Variants in AP3D1 observed in about 807,000 individuals in gnomAD.
The protein encoded by AP3D1 is adaptor related protein complex 3 subunit delta 1.
AP3D1 carries 51 observed loss-of-function variants against 147.6 expected under a neutral mutation model. The observed-to-expected ratio is 0.35, with a 90% CI of 0.28 to 0.44. AP3D1 has a LOEUF of 0.44. AP3D1 is among the 20% of genes least tolerant of loss of function. The pLI, the probability that AP3D1 is intolerant of heterozygous loss-of-function variation, is 1.00. For missense variants in AP3D1, 1,421 were observed against 1,624.2 expected (o/e 0.87, Z 2.15); for synonymous variants, 760 against 663.0 (o/e 1.15, Z -2.25).
chr19:2,105,785 G>A (rs888564751), intron 31 of AP3D1, among the ~76,000 whole-genome samples: 4 of 152,146 alleles, frequency 2.6e-5, no homozygotes, highest in African/African-American at 7.2e-5. Context: ...AGCTCCAGCC[G>A]CCTCAGGCCC....
intron 4 of AP3D1, 83 bp from the exon 5 acceptor site, chr19:2,132,661 G>A (rs1350359457): frequency 1.3e-5 from 16 of 1,208,306 alleles, no homozygotes; most frequent in African/African-American, 3.0e-5. Flanking sequence ...CAGCAGGAGC[G>A]AAATTCTCCC....
chr19:2,117,525 G>A (rs976686129), intron 15 of AP3D1, among the ~76,000 whole-genome samples, 158 bp from the exon 16 acceptor site: 26 of 152,072 alleles, frequency 1.7e-4, no homozygotes, highest in Admixed American at 5.2e-4. Flanking sequence ...CGTCTCTGTC[G>A]TCATCATCCT....
At chr19:2,149,171 C>T (rs1380746728) in intron 1 of AP3D1, among the ~76,000 whole-genome samples, 1 of 152,190 alleles carries the variant, frequency 6.6e-6, no homozygotes, top group Non-Finnish European at 1.5e-5. Flanking sequence ...CACTGCGTGT[C>T]CTGCCTGAAA....
At chr19:2,116,860 G>A in intron 16 of AP3D1, 114 bp from the exon 17 acceptor site, 1 of 1,353,540 alleles carries the variant, frequency 7.4e-7, no homozygotes, top group South Asian at 1.6e-5. Context: ...CAAACAGTGG[G>A]GCCTGCCACC....
At chr19:2,104,399 C>T (rs72983430) in intron 31 of AP3D1, among the ~76,000 whole-genome samples, 1,825 of 146,858 alleles carry the variant, frequency 0.012, 19 homozygotes, top group Middle Eastern at 0.03. Context: ...AACTCCAAGA[C>T]GCCAACACCC....
At chr19:2,117,819 A>G (rs1568284136) in intron 15 of AP3D1, among the ~76,000 whole-genome samples, 1 of 152,196 alleles carries the variant, frequency 6.6e-6, no homozygotes, top group Admixed American at 6.5e-5. Flanking sequence ...TGCAGCCTTG[A>G]AGCTGGGTCT....
intron 17 of AP3D1, 29 bp downstream of exon 17, chr19:2,116,576 G>C: frequency 1.9e-6 from 3 of 1,552,194 alleles, no homozygotes; most frequent in Non-Finnish European, 2.6e-6. Context: ...GAGGAGACGA[G>C]GGCTCGCCAG....
At position 2,137,112 on chromosome 19, in the gene AP3D1, A is replaced by T. The variant is rs764653300; in HGVS notation, c.274-21T>A. 4 of 1,566,418 alleles carry T rather than the reference A, an allele frequency of 2.6e-6. No individual in the cohort carries two copies. The Admixed American group carries it at 5.6e-5, about 22-fold the overall frequency. ...ATTCGCTGGGAGAGAACAGATGAGC[A>T]CATCAGAGGCAGGACACCCGCAGCC... On this transcript the variant is annotated intron_variant, in intron 3 of 31. Coordinates refer to ENST00000643116, the MANE Select transcript of AP3D1 (RefSeq NM_001261826.3).
intron 9 of AP3D1, 31 bp from the exon 10 acceptor site, chr19:2,123,910 T>TCAGCACCATGGC: frequency 6.4e-7 from 1 of 1,561,788 alleles, no homozygotes; most frequent in Non-Finnish European, 8.7e-7. Context: ...AGCACCACGG[T>TCAGCACCATGGC]CAGCACCATG....
At chr19:2,112,826 C>A in intron 24 of AP3D1, 34 bp downstream of exon 24, 1 of 1,547,374 alleles carries the variant, frequency 6.5e-7, no homozygotes, top group Non-Finnish European at 8.8e-7. Context: ...GCTCATGCAG[C>A]CCTCCACAGC....
intron 12 of AP3D1, among the ~76,000 whole-genome samples, chr19:2,121,520 C>G (rs2018610918): frequency 6.6e-6 from 1 of 152,166 alleles, no homozygotes; most frequent in South Asian, 2.1e-4. Context: ...TGGCCCAGCA[C>G]AGTCTGTTCT....
intron 1 of AP3D1, among the ~76,000 whole-genome samples, chr19:2,150,596 C>T (rs374711351): frequency 1.3e-5 from 2 of 152,342 alleles, no homozygotes; most frequent in African/African-American, 2.4e-5. Flanking sequence ...GGCAGCAGCC[C>T]CACCTTCCTG....
chr19:2,129,215 T>C, intron 7 of AP3D1, 52 bp from the exon 8 acceptor site: 1 of 1,608,198 alleles, frequency 6.2e-7, no homozygotes, highest in East Asian at 2.2e-5. Context: ...CCACGCAGGG[T>C]GAGGGACAGG....
intron 1 of AP3D1, among the ~76,000 whole-genome samples, chr19:2,145,848 T>C (rs1272203360): frequency 6.6e-6 from 1 of 152,154 alleles, no homozygotes; most frequent in Admixed American, 6.5e-5. Flanking sequence ...CCAAGCCTCT[T>C]TGAAGAGAGA....
chr19:2,141,329 T>C (rs920230748), intron 1 of AP3D1, among the ~76,000 whole-genome samples: 3 of 151,990 alleles, frequency 2.0e-5, no homozygotes, highest in Admixed American at 6.6e-5. Context: ...AATTCTGGGA[T>C]GTAATTTAGA....
At chr19:2,164,471 G>A (rs1326320243), upstream of AP3D1, 3 of 338,594 alleles carry the variant, frequency 8.9e-6, no homozygotes, top group Admixed American at 9.8e-5. Context: ...CGCGCGCCTG[G>A]GGTGGGAGCG....
intron 25 of AP3D1, 36 bp from the exon 26 acceptor site, chr19:2,111,368 C>A: frequency 6.2e-7 from 1 of 1,612,958 alleles, no homozygotes; most frequent in Non-Finnish European, 8.5e-7. Context: ...CTTGGGGGCC[C>A]CGAGCTCCGT....
At chr19:2,104,059 CAGACACCAACACCA>C (rs932730076) in intron 31 of AP3D1, among the ~76,000 whole-genome samples, 22 of 151,450 alleles carry the variant, frequency 1.5e-4, no homozygotes, top group African/African-American at 2.9e-4. Flanking sequence ...AGGCCGTGAG[CAGACACCAACACCA>C]AGACACCAAC....
chr19:2,101,222 C>G lies in AP3D1; in HGVS notation c.*951G>C, dbSNP rs1221937288. On this transcript the variant is annotated 3_prime_UTR_variant, in exon 32 of 32. Transcript: ENST00000643116. Reference sequence around the variant, plus strand: ...AATGTCATTATCTCTGAAGAAGGGTCAGTCCTGTGCCCACGCTGGCCGTGG... The same window carrying G: ...AATGTCATTATCTCTGAAGAAGGGTGAGTCCTGTGCCCACGCTGGCCGTGG... The G allele has an allele frequency of 2.0e-5, 3 of 152,528 alleles. No homozygotes were observed. Among genetic ancestry groups the G allele is most frequent in the Admixed American group, 2.0e-4 (3 of 15,284 alleles). The allele number at this position is 152,528 out of a possible 1,614,324, so 9.4% of individuals were successfully genotyped here.
Sources: gnomAD v4.1 joint callset for allele counts (sites outside exome capture counted in the v4.1 genomes callset) on GRCh38, gnomAD v4.1.1 for gene constraint, MANE v1.5 for transcripts, NCBI Gene and HGNC (gene_info 2026-07-23, HGNC 2026-07-21) for gene names.